Variants in NTRK3 observed in about 807,000 individuals in gnomAD.
NTRK3 encodes NT-3 growth factor receptor.
NTRK3 carries 24 observed loss-of-function variants against 91.7 expected under a neutral mutation model. That is an observed-to-expected ratio of 0.26 (90% confidence interval 0.19 to 0.37). The LOEUF is 0.37. Among genes scored for constraint, NTRK3 ranks in the 10% least tolerant of loss-of-function variants. The pLI, the probability that NTRK3 is intolerant of heterozygous loss-of-function variation, is 1.00. For missense variants in NTRK3, 880 were observed against 1,068.9 expected (o/e 0.82, Z 2.46); for synonymous variants, 483 against 404.0 (o/e 1.20, Z -2.34).
chr15:87,991,470 G>A (rs111914876), intron 14 of NTRK3, among the ~76,000 whole-genome samples: 68 of 152,210 alleles, frequency 4.5e-4, no homozygotes, highest in African/African-American at 1.4e-3. Flanking sequence ...TCTCCTGTGC[G>A]GTGACTTCTA....
At chr15:88,071,655 AT>A (rs1158140494) in intron 13 of NTRK3, among the ~76,000 whole-genome samples, 1 of 152,222 alleles carries the variant, frequency 6.6e-6, no homozygotes, top group Non-Finnish European at 1.5e-5. Flanking sequence ...TATTATTCCC[AT>A]TTTATAGCTA....
chr15:88,188,040 C>T (rs547152050), intron 3 of NTRK3, among the ~76,000 whole-genome samples: 3 of 152,316 alleles, frequency 2.0e-5, no homozygotes, highest in South Asian at 4.1e-4. Flanking sequence ...GGACCACAGG[C>T]TGGACCAGCT....
At chr15:87,991,165 G>A (rs1160893234) in intron 14 of NTRK3, among the ~76,000 whole-genome samples, 1 of 151,962 alleles carries the variant, frequency 6.6e-6, no homozygotes, top group Non-Finnish European at 1.5e-5. Flanking sequence ...CTACCTTTCT[G>A]CTCCCTTTCT....
At chr15:88,060,275 T>C (rs534576645) in intron 13 of NTRK3, among the ~76,000 whole-genome samples, 1 of 151,618 alleles carries the variant, frequency 6.6e-6, no homozygotes, top group African/African-American at 2.4e-5. Context: ...TCCCAGCTAC[T>C]TGGGAGGCTG....
At chr15:87,888,586 C>T (rs953529508) in intron 17 of NTRK3, among the ~76,000 whole-genome samples, 8 of 152,148 alleles carry the variant, frequency 5.3e-5, no homozygotes, top group Admixed American at 2.0e-4. Flanking sequence ...CAGGGGGTGA[C>T]CTTGACCCCT....
intron 3 of NTRK3, among the ~76,000 whole-genome samples, chr15:88,236,396 G>A (rs1194731203): frequency 6.6e-6 from 1 of 151,872 alleles, no homozygotes; most frequent in South Asian, 2.1e-4. Flanking sequence ...AAACAGGCTG[G>A]GCACTGTGGC....
chr15:87,863,992 CAT>C lies in NTRK3; in HGVS notation c.*12941_*12942del, dbSNP rs199526904. 5.9e-3 allele frequency: 961 copies of C among 164,014 alleles called. 3 individuals carry two copies. Among genetic ancestry groups the C allele is most frequent in the Non-Finnish European group, 7.5e-3 (639 of 84,720 alleles). 10.2% of individuals were successfully genotyped at this position (164,014 alleles called of 1,614,324 possible). On this transcript the variant is annotated 3_prime_UTR_variant, in exon 19 of 19. Transcript: ENST00000394480. ...GGCAAAATACACACACACACACACA[CAT>C]ACACACACACACACACACACACACA...
chr15:88,182,652 C>T (rs1274453833), intron 5 of NTRK3, among the ~76,000 whole-genome samples: 1 of 152,200 alleles, frequency 6.6e-6, no homozygotes, highest in South Asian at 2.1e-4. Context: ...ACAAATACCC[C>T]TCTACAGGTG....
At chr15:87,919,528 G>C (rs148732085) in intron 17 of NTRK3, among the ~76,000 whole-genome samples, 2 of 152,088 alleles carry the variant, frequency 1.3e-5, no homozygotes, top group African/African-American at 4.8e-5. Flanking sequence ...CTGAGTTGCA[G>C]GTAGATGTCC....
At chr15:87,870,598 T>C (rs1024569273) in exon 19 of NTRK3, 1 of 208,986 alleles carries the variant, frequency 4.8e-6, no homozygotes, top group Admixed American at 5.9e-5. Flanking sequence ...TATGTATATA[T>C]AAAATAAGTC....
At position 87,862,740 on chromosome 15, in the gene NTRK3, C is replaced by A. The variant is rs1262307469; in HGVS notation, c.*14195G>T. On this transcript the variant is annotated 3_prime_UTR_variant, in exon 19 of 19. Transcript: ENST00000394480. Reference sequence around the variant, plus strand: ...ACCCTTCAGTCTGGCCTGAAGAATGCCACAAGGAGTCATTTGCATTCTTAT... The same window carrying A: ...ACCCTTCAGTCTGGCCTGAAGAATGACACAAGGAGTCATTTGCATTCTTAT... 9 of 229,398 alleles carry A rather than the reference C, an allele frequency of 3.9e-5. No homozygotes were observed. In the Admixed American group the frequency reaches 5.1e-4, roughly 13 times the overall value. 14.2% of individuals were successfully genotyped at this position (229,398 alleles called of 1,614,324 possible).
intron 17 of NTRK3, among the ~76,000 whole-genome samples, chr15:87,890,742 T>C (rs935165577): frequency 2.6e-5 from 4 of 152,224 alleles, no homozygotes; most frequent in Non-Finnish European, 5.9e-5. Flanking sequence ...ATCCTTGCTT[T>C]CTGACATAAA....
intron 13 of NTRK3, among the ~76,000 whole-genome samples, chr15:88,116,624 G>C (rs531692277): frequency 6.6e-6 from 1 of 152,244 alleles, no homozygotes; most frequent in East Asian, 1.9e-4. Flanking sequence ...ATTACTTAAA[G>C]CATGGTCCAC....
At chr15:88,090,520 A>C (rs2048924025) in intron 13 of NTRK3, among the ~76,000 whole-genome samples, 1 of 152,158 alleles carries the variant, frequency 6.6e-6, no homozygotes, top group Non-Finnish European at 1.5e-5. Context: ...CTATGGGATA[A>C]TCACTTGGCA....
intron 14 of NTRK3, among the ~76,000 whole-genome samples, chr15:88,010,454 T>C (rs2076798481): frequency 6.6e-6 from 1 of 152,304 alleles, no homozygotes; most frequent in Non-Finnish European, 1.5e-5. Context: ...GAACAATTTA[T>C]GTAAAATAAA....
intron 13 of NTRK3, among the ~76,000 whole-genome samples, chr15:88,100,769 G>A (rs900667452): frequency 2.0e-5 from 3 of 152,236 alleles, no homozygotes; most frequent in African/African-American, 4.8e-5. Context: ...ATGGGGAAAC[G>A]ATTCCCTATT....
At chr15:87,892,929 G>T (rs1412238474) in intron 17 of NTRK3, among the ~76,000 whole-genome samples, 2 of 152,118 alleles carry the variant, frequency 1.3e-5, no homozygotes, top group African/African-American at 4.8e-5. Flanking sequence ...AATTGCTCTG[G>T]TACTTAAAGT....
chr15:88,184,487 T>A (rs1173920232), intron 3 of NTRK3, among the ~76,000 whole-genome samples, 188 bp from the exon 4 acceptor site: 1 of 152,236 alleles, frequency 6.6e-6, no homozygotes, highest in Admixed American at 6.5e-5. Context: ...TCTGCCTGAT[T>A]GGGTTGTTGC....
In NTRK3 at chr15:88,233,600, C is replaced by A. The variant is rs74774512; in HGVS notation, c.248+22306G>T. The stretch of plus-strand genomic sequence containing the variant: ...TTAATTTGCAGGCTAGCCCTACTGT[C>A]CTGAAACTCCAAAACTCTCTTCCTT... On this transcript the variant is annotated intron_variant, in intron 3 of 18. Coordinates refer to ENST00000394480, the Ensembl canonical transcript of NTRK3. This position sits in a 1 kb window ranked among gnomAD's most constrained non-coding sequence, Gnocchi z 4.2. Among the ~76,000 whole-genome samples, 110 of 152,286 alleles carry A rather than the reference C, an allele frequency of 7.2e-4. 1 individual carries two copies. The East Asian group carries it at 0.018, about 25-fold the overall frequency.
Sources: allele counts gnomAD v4.1 joint callset (sites outside exome capture counted in the v4.1 genomes callset), GRCh38; gene constraint gnomAD v4.1.1; non-coding constraint Gnocchi (gnomAD v3.1); transcripts MANE v1.5; gene names NCBI Gene and HGNC (gene_info 2026-07-23, HGNC 2026-07-21).